FTMT: variants seen among roughly 807,000 people sequenced by gnomAD.
FTMT encodes ferritin, mitochondrial.
FTMT carries 5 observed loss-of-function variants against 4.9 expected under a neutral mutation model. The ratio of observed to expected loss-of-function variants is 1.03; its 90% CI spans 0.54 to 2.16. The LOEUF (loss-of-function observed/expected upper bound fraction) is 2.16, where lower values mean the gene tolerates loss of function less well. Ranked by LOEUF, FTMT falls within the 30% of genes most tolerant of loss-of-function variation. FTMT has a pLI of 0.01. For synonymous variants in FTMT, 174 were observed against 143.6 expected (o/e 1.21, Z -1.51); for missense variants, 393 against 323.0 (o/e 1.22, Z -1.66).
rs369819078 is a variant in FTMT, at chr5:121,852,360, C to A, written c.397C>A (p.Gln133Lys). ...GCACGCGGAGAAGCTGATGAGGCTG[C>A]AGAACCAGCGAGGAGGCCGGATCCG... ...TEHAEKLMRL[Q>K]NQRGGRIRLQ... Residue 133 changes from glutamine to lysine, a missense_variant, in exon 1 of 1, where the codon CAG becomes AAG. Transcript: ENST00000321339. The A allele has an allele frequency of 1.7e-5, 28 of 1,614,164 alleles. No homozygotes were observed. Among genetic ancestry groups the A allele is most frequent in the Non-Finnish European group, 2.3e-5 (27 of 1,180,038 alleles).
At position 121,852,129 on chromosome 5, in the gene FTMT, CG is replaced by C. The variant is rs758456490; in HGVS notation, c.169del (p.Asp57ThrfsTer52). ...CCCCCTGGCCGCAGCCGCCTCCTCC[CG>C]GGACCCTACCGGGCCCGCCGCCGGC... is the stretch of plus-strand genomic sequence containing the variant. ...RRPLAAAASS[R>X]DPTGPAAGPS... On this transcript the variant is annotated frameshift_variant, in exon 1 of 1. Coordinates refer to ENST00000321339, the MANE Select transcript of FTMT (RefSeq NM_177478.2). LOFTEE classifies it low-confidence loss of function (END_TRUNC). The C allele has an allele frequency of 6.3e-7, 1 of 1,595,840 alleles. No homozygotes were observed. Among genetic ancestry groups the C allele is most frequent in the Non-Finnish European group, 8.5e-7 (1 of 1,173,120 alleles).
At position 121,852,723 on chromosome 5, in the gene FTMT, G is replaced by A; in HGVS notation, c.*31G>A. 6.3e-7 allele frequency: 1 copy of A among 1,584,330 alleles called. No individual in the cohort carries two copies. Among genetic ancestry groups the A allele is most frequent in the South Asian group, 1.2e-5 (1 of 85,892 alleles). ...GAGCTGCCTTCCTCCCAGGCTAGTG[G>A]ATCCAAAGACCAAAGTCAGCTGTCT... On this transcript the variant is annotated 3_prime_UTR_variant, in exon 1 of 1. Transcript: ENST00000321339.
Position 121,852,206 on chromosome 5 carries a change from C to T in FTMT, c.243C>T (p.Asn81=). The T allele has an allele frequency of 6.2e-7, 1 of 1,614,114 alleles. No individual in the cohort carries two copies. The highest frequency in any genetic ancestry group is 1.1e-5 in the South Asian group (1 of 91,080). ...ACCCCGACTCCGAGGCTGCCATCAA[C>T]CGCCAGATCAACCTCGAGCTCTATG... ...NFHPDSEAAI[N]RQINLELYAS... The change falls in exon 1 of 1, where the codon AAC becomes AAT. Residue 81 remains asparagine, a synonymous_variant. Transcript: ENST00000321339.
In FTMT at chr5:121,852,120, G is replaced by A. The variant is rs759353035; in HGVS notation, c.157G>A (p.Ala53Thr). The change falls in exon 1 of 1, where the codon GCC (alanine) becomes ACC (threonine). Residue 53 changes from alanine (A) to threonine (T), a missense_variant. By Grantham distance (58) the Ala-to-Thr change is moderately conservative. Transcript: ENST00000321339. Reference protein sequence around the residue: ...IAPRRPLAAAASSRDPTGPAA... With the variant: ...IAPRRPLAAATSSRDPTGPAA... The stretch of plus-strand genomic sequence containing the variant: ...CCCCCGCCGCCCCCTGGCCGCAGCC[G>A]CCTCCTCCCGGGACCCTACCGGGCC... 3 of 1,584,296 alleles carry A rather than the reference G, an allele frequency of 1.9e-6. No homozygotes were observed. The highest frequency in any genetic ancestry group is 1.7e-6 in the Non-Finnish European group (2 of 1,169,428).
rs1177109425 is a variant in FTMT, at chr5:121,852,403, A to C, written c.440A>C (p.Lys147Thr). 6.2e-7 allele frequency: 1 copy of C among 1,614,170 alleles called. No homozygotes were observed. The highest frequency in any genetic ancestry group is 1.1e-5 in the South Asian group (1 of 91,074). Residue 147 changes from lysine to threonine, a missense_variant, in exon 1 of 1, where the codon AAG becomes ACG. Coordinates refer to ENST00000321339, the MANE Select transcript of FTMT (RefSeq NM_177478.2). Reference protein sequence around the residue: ...GGRIRLQDIKKPEQDDWESGL... With the variant: ...GGRIRLQDIKTPEQDDWESGL... ...CGGATCCGCCTGCAGGACATCAAGA[A>C]GCCGGAACAGGACGACTGGGAAAGC...
Position 121,852,534 on chromosome 5 carries a change from G to C in FTMT, c.571G>C (p.Asp191His). Reference sequence around the variant, plus strand: ...AGATAAAGGTGACCCCCATTTGTGCGATTTCCTGGAAACCTACTACCTGAA... The same window carrying C: ...AGATAAAGGTGACCCCCATTTGTGCCATTTCCTGGAAACCTACTACCTGAA... ...ASDKGDPHLCDFLETYYLNEQ... is the reference protein window; with the variant it reads ...ASDKGDPHLCHFLETYYLNEQ... Residue 191 changes from aspartate (D) to histidine (H), a missense_variant, in exon 1 of 1, where the codon GAT becomes CAT. Coordinates refer to ENST00000321339, the MANE Select transcript of FTMT (RefSeq NM_177478.2). 6.2e-7 allele frequency: 1 copy of C among 1,614,118 alleles called. No homozygotes were observed. The highest frequency in any genetic ancestry group is 8.5e-7 in the Non-Finnish European group (1 of 1,180,038).
In FTMT at chr5:121,852,680, C is replaced by G. The variant is rs1043314984; in HGVS notation, c.717C>G (p.Asn239Lys). ...LFDTHTLGNE[N>K]KQN ...ACACACATACCCTTGGAAATGAAAACAAGCAGAACTAAGCCACGAGCTGCC... is the reference window on the plus strand; with the variant it reads ...ACACACATACCCTTGGAAATGAAAAGAAGCAGAACTAAGCCACGAGCTGCC... Residue 239 changes from asparagine (N) to lysine (K), a missense_variant, in exon 1 of 1, where the codon AAC becomes AAG. By Grantham distance (94) the Asn-to-Lys change is moderately conservative. Transcript: ENST00000321339. 1.9e-6 allele frequency: 3 copies of G among 1,613,014 alleles called. No homozygotes were observed. Among genetic ancestry groups the G allele is most frequent in the African/African-American group, 1.3e-5 (1 of 74,920 alleles).
Position 121,852,545 on chromosome 5 carries a change from A to G in FTMT, c.582A>G (p.Glu194=). 6.2e-7 allele frequency: 1 copy of G among 1,614,116 alleles called. No individual in the cohort carries two copies. Among genetic ancestry groups the G allele is most frequent in the Non-Finnish European group, 8.5e-7 (1 of 1,180,016 alleles). ...ACCCCCATTTGTGCGATTTCCTGGA[A>G]ACCTACTACCTGAATGAGCAGGTGA... ...KGDPHLCDFL[E]TYYLNEQVKS... The change falls in exon 1 of 1, where the codon GAA becomes GAG. Residue 194 remains glutamate (E), a synonymous_variant. Coordinates refer to ENST00000321339, the MANE Select transcript of FTMT (RefSeq NM_177478.2).
At position 121,852,021 on chromosome 5, in the gene FTMT, C is replaced by A. The variant is rs372731129; in HGVS notation, c.58C>A (p.Arg20Ser). The change falls in exon 1 of 1, where the codon CGC becomes AGC. Residue 20 changes from arginine to serine, a missense_variant. Transcript: ENST00000321339. ...CATCAGCCCTTCGCTGGCGTCTCTG[C>A]GCCCGGTGCGCTGCTGCTTCGCGCT... ...RHISPSLASL[R>S]PVRCCFALPL... 2 of 1,593,694 alleles carry A rather than the reference C, an allele frequency of 1.3e-6. No homozygotes were observed. The highest frequency in any genetic ancestry group is 2.3e-5 in the East Asian group (1 of 43,696).
chr5:121,852,523 C>A lies in FTMT; in HGVS notation c.560C>A (p.Pro187His), dbSNP rs777579287. Residue 187 changes from proline to histidine, a missense_variant, in exon 1 of 1, where the codon CCC (proline) becomes CAC (histidine). Coordinates refer to ENST00000321339, the MANE Select transcript of FTMT (RefSeq NM_177478.2). ...GCTCTAGCCTCAGATAAAGGTGACC[C>A]CCATTTGTGCGATTTCCTGGAAACC... ...LHALASDKGDPHLCDFLETYY... is the reference protein window; with the variant it reads ...LHALASDKGDHHLCDFLETYY... 71 of 1,613,964 alleles carry A rather than the reference C, an allele frequency of 4.4e-5. No individual in the cohort carries two copies. Among genetic ancestry groups the A allele is most frequent in the Non-Finnish European group, 5.6e-5 (66 of 1,180,030 alleles).
Position 121,852,780 on chromosome 5 carries a change from CT to C in FTMT, c.*91del. ...TTCTTGCCCTTAAAATCACCTCCAT[CT>C]TTATATTCTTCTGTTATACTATTCC... On this transcript the variant is annotated 3_prime_UTR_variant, in exon 1 of 1. Coordinates refer to ENST00000321339, the MANE Select transcript of FTMT (RefSeq NM_177478.2). The C allele has an allele frequency of 7.2e-7, 1 of 1,392,744 alleles. No individual in the cohort carries two copies. The allele number at this position is 1,392,744 out of a possible 1,614,324, so 86.3% of individuals were successfully genotyped here. A position where few individuals can be genotyped will look rare whatever the true frequency, so the allele number is the denominator to read the frequency against.
In FTMT at chr5:121,852,375, G is replaced by A. The variant is rs1314580859; in HGVS notation, c.412G>A (p.Gly138Ser). 6.2e-7 allele frequency: 1 copy of A among 1,614,198 alleles called. No individual in the cohort carries two copies. The highest frequency in any genetic ancestry group is 8.5e-7 in the Non-Finnish European group (1 of 1,180,044). ...GATGAGGCTGCAGAACCAGCGAGGA[G>A]GCCGGATCCGCCTGCAGGACATCAA... ...KLMRLQNQRG[G>S]RIRLQDIKKP... Residue 138 changes from glycine (G) to serine (S), a missense_variant, in exon 1 of 1, where the codon GGC (glycine) becomes AGC (serine). By Grantham distance (56) the Gly-to-Ser change is moderately conservative. Coordinates refer to ENST00000321339, the MANE Select transcript of FTMT (RefSeq NM_177478.2).
rs779505034 is a variant in FTMT at position 121,851,940 on chromosome 5, C to G, written c.-24C>G. ...CGCCAAGAGGGCCGGGCCTCAGTTT[C>G]CCCACTTCCAAGGAGGCGGCGCTAT... On this transcript the variant is annotated 5_prime_UTR_variant, in exon 1 of 1. Coordinates refer to ENST00000321339, the MANE Select transcript of FTMT (RefSeq NM_177478.2). 80 of 1,564,256 alleles carry G rather than the reference C, an allele frequency of 5.1e-5. 1 individual carries two copies. The East Asian group carries it at 1.9e-3, about 37-fold the overall frequency.
Position 121,852,308 on chromosome 5 carries a change from C to T in FTMT, c.345C>T (p.Phe115=). The T allele has an allele frequency of 6.2e-7, 1 of 1,614,148 alleles. No homozygotes were observed. Among genetic ancestry groups the T allele is most frequent in the Non-Finnish European group, 8.5e-7 (1 of 1,180,022 alleles). Residue 115 remains phenylalanine, a synonymous_variant, in exon 1 of 1, where the codon TTC becomes TTT. Transcript: ENST00000321339. ...DVALNNFSRY[F]LHQSREETEH... Reference sequence around the variant, plus strand: ...CCTTGAACAACTTCTCCAGGTATTTCCTTCACCAGTCCCGGGAGGAGACCG... The same window carrying T: ...CCTTGAACAACTTCTCCAGGTATTTTCTTCACCAGTCCCGGGAGGAGACCG...
rs1181481077 is a variant in FTMT at position 121,851,942 on chromosome 5, C to T, written c.-22C>T. 6.4e-7 allele frequency: 1 copy of T among 1,565,430 alleles called. No individual in the cohort carries two copies. Among genetic ancestry groups the T allele is most frequent in the Non-Finnish European group, 8.6e-7 (1 of 1,164,732 alleles). On this transcript the variant is annotated 5_prime_UTR_variant, in exon 1 of 1. Coordinates refer to ENST00000321339, the MANE Select transcript of FTMT (RefSeq NM_177478.2). The stretch of plus-strand genomic sequence containing the variant: ...CCAAGAGGGCCGGGCCTCAGTTTCC[C>T]CACTTCCAAGGAGGCGGCGCTATGC...
In FTMT at chr5:121,852,489, G is replaced by A; in HGVS notation, c.526G>A (p.Glu176Lys). ...AAAGAACGTGAACCAGTCGTTGCTGGAATTGCACGCTCTAGCCTCAGATAA... is the reference window on the plus strand; with the variant it reads ...AAAGAACGTGAACCAGTCGTTGCTGAAATTGCACGCTCTAGCCTCAGATAA... Reference protein sequence around the residue: ...LEKNVNQSLLELHALASDKGD... With the variant: ...LEKNVNQSLLKLHALASDKGD... Residue 176 changes from glutamate (E) to lysine (K), a missense_variant, in exon 1 of 1, where the codon GAA becomes AAA. Transcript: ENST00000321339. The A allele has an allele frequency of 5.0e-6, 8 of 1,614,084 alleles. No homozygotes were observed. Among genetic ancestry groups the A allele is most frequent in the Non-Finnish European group, 6.8e-6 (8 of 1,180,028 alleles).
Position 121,852,111 on chromosome 5 carries a change from G to A in FTMT, c.148G>A (p.Ala50Thr), listed in dbSNP as rs1750058460. The A allele has an allele frequency of 2.5e-6, 4 of 1,580,016 alleles. No individual in the cohort carries two copies. Among genetic ancestry groups the A allele is most frequent in the African/African-American group, 2.7e-5 (2 of 73,778 alleles). The change falls in exon 1 of 1, where the codon GCC becomes ACC. Residue 50 changes from alanine to threonine, a missense_variant. Transcript: ENST00000321339. The part of the protein sequence containing the change: ...PRQIAPRRPL[A>T]AAASSRDPTG... ...GCAGATCGCCCCCCGCCGCCCCCTG[G>A]CCGCAGCCGCCTCCTCCCGGGACCC...
In FTMT at chr5:121,852,530, G is replaced by A. The variant is rs145213115; in HGVS notation, c.567G>A (p.Leu189=). The change falls in exon 1 of 1, where the codon TTG becomes TTA. Residue 189 remains leucine, a synonymous_variant. Transcript: ENST00000321339. ...ALASDKGDPH[L]CDFLETYYLN... ...CCTCAGATAAAGGTGACCCCCATTT[G>A]TGCGATTTCCTGGAAACCTACTACC... 1.2e-6 allele frequency: 2 copies of A among 1,614,038 alleles called. No individual in the cohort carries two copies. Among genetic ancestry groups the A allele is most frequent in the Non-Finnish European group, 1.7e-6 (2 of 1,180,036 alleles).
Position 121,852,678 on chromosome 5 carries a change from A to G in FTMT, c.715A>G (p.Asn239Asp). 3 of 1,613,082 alleles carry G rather than the reference A, an allele frequency of 1.9e-6. No homozygotes were observed. The highest frequency in any genetic ancestry group is 2.5e-6 in the Non-Finnish European group (3 of 1,179,474). The change falls in exon 1 of 1, where the codon AAC (asparagine) becomes GAC (aspartate). Residue 239 changes from asparagine (N) to aspartate (D), a missense_variant. Physicochemically the swap from Asn to Asp is conservative, Grantham distance 23. Transcript: ENST00000321339. ...TGACACACATACCCTTGGAAATGAA[A>G]ACAAGCAGAACTAAGCCACGAGCTG... ...LFDTHTLGNENKQN is the reference protein window; with the variant it reads ...LFDTHTLGNEDKQN
Sources: gnomAD v4.1 joint callset for allele counts on GRCh38, gnomAD v4.1.1 for gene constraint, MANE v1.5 for transcripts, NCBI Gene and HGNC (gene_info 2026-07-23, HGNC 2026-07-21) for gene names.